The following SLC25A26 variants were observed in gnomAD, a reference collection of about 807,000 sequenced individuals.
SLC25A26 encodes the protein mitochondrial S-adenosylmethionine carrier protein.
In SLC25A26, 36 loss-of-function variants were observed where a neutral mutation model predicts 37.8. The observed-to-expected ratio is 0.95, with a 90% CI of 0.73 to 1.26. The LOEUF (loss-of-function observed/expected upper bound fraction) is 1.26, where lower values mean the gene tolerates loss of function less well. SLC25A26 is among the 50% of genes most tolerant of loss of function. SLC25A26 has a pLI of 0.00. For missense variants in SLC25A26, 390 were observed against 331.1 expected, an observed-to-expected ratio of 1.18 and a Z score of -1.38; for synonymous variants, 129 against 122.5, an observed-to-expected ratio of 1.05 and a Z score of -0.35.
intron 1 of SLC25A26, among the ~76,000 whole-genome samples, chr3:66,138,633 A>C (rs959115626): frequency 4.3e-5 from 5 of 116,922 alleles, no homozygotes; most frequent in African/African-American, 1.6e-4. Flanking sequence ...TGGTGGGAGG[A>C]TTGATGCAGG....
At chr3:66,313,674 A>C (rs2075447411) in intron 5 of SLC25A26, among the ~76,000 whole-genome samples, 1 of 152,088 alleles carries the variant, frequency 6.6e-6, no homozygotes, top group Non-Finnish European at 1.5e-5. Context: ...ATGGTAGTTT[A>C]ATGGAAATAG....
chr3:66,295,146 A>T (rs1466727246), intron 5 of SLC25A26, among the ~76,000 whole-genome samples: 1 of 152,182 alleles, frequency 6.6e-6, no homozygotes, highest in Non-Finnish European at 1.5e-5. Context: ...GGCATCACTC[A>T]TGTTTTGAGG....
chr3:66,192,317 C>A (rs1484924255), intron 1 of SLC25A26, among the ~76,000 whole-genome samples: 731 of 111,112 alleles, frequency 6.6e-3, no homozygotes, highest in South Asian at 7.8e-3. Flanking sequence ...CTCCATGTCA[C>A]AAAAAAAAAA....
intron 1 of SLC25A26, among the ~76,000 whole-genome samples, chr3:66,148,758 A>G (rs2070156369): frequency 6.6e-6 from 1 of 152,052 alleles, no homozygotes; most frequent in Non-Finnish European, 1.5e-5. Context: ...AAATGTAGAG[A>G]TGTTGCCCAG....
intron 5 of SLC25A26, among the ~76,000 whole-genome samples, chr3:66,325,812 A>G (rs926128828): frequency 2.0e-5 from 3 of 152,162 alleles, no homozygotes; most frequent in Non-Finnish European, 4.4e-5. Context: ...GCAACAGAAA[A>G]TCACTGAAGG....
chr3:66,364,240 TAC>T (rs2076776460), intron 7 of SLC25A26, among the ~76,000 whole-genome samples: 1 of 152,242 alleles, frequency 6.6e-6, no homozygotes, highest in African/African-American at 2.4e-5. Flanking sequence ...TTGCATTAAT[TAC>T]AGTTTCCTTT....
chr3:66,273,344 T>G (rs947667425), intron 5 of SLC25A26, among the ~76,000 whole-genome samples: 2 of 152,156 alleles, frequency 1.3e-5, no homozygotes, highest in South Asian at 2.1e-4. Context: ...TTCTATTGAT[T>G]GGAATAGTTT....
chr3:66,343,973 T>C (rs1481285370), intron 5 of SLC25A26, among the ~76,000 whole-genome samples: 1 of 152,168 alleles, frequency 6.6e-6, no homozygotes, highest in Non-Finnish European at 1.5e-5. Context: ...ACTTCGACAT[T>C]CGGGGGGGCT....
chr3:66,156,778 G>T (rs2070288644), intron 1 of SLC25A26, among the ~76,000 whole-genome samples: 1 of 152,094 alleles, frequency 6.6e-6, no homozygotes, highest in Non-Finnish European at 1.5e-5. Context: ...CTCTGATTGG[G>T]CTGGGGCCTG....
chr3:66,285,848 A>G (rs974132718), intron 5 of SLC25A26, among the ~76,000 whole-genome samples: 3 of 152,140 alleles, frequency 2.0e-5, no homozygotes, highest in African/African-American at 7.2e-5. Flanking sequence ...CTAACCACAG[A>G]AACAAGCACC....
intron 5 of SLC25A26, among the ~76,000 whole-genome samples, chr3:66,295,139 A>G (rs2074854053): frequency 6.6e-6 from 1 of 152,214 alleles, no homozygotes. Context: ...TTAAACAGGC[A>G]TCACTCATGT....
At chr3:66,273,535 G>C (rs977584155) in intron 5 of SLC25A26, among the ~76,000 whole-genome samples, 4 of 152,114 alleles carry the variant, frequency 2.6e-5, no homozygotes, top group African/African-American at 9.7e-5. Context: ...TCCTTAAGCT[G>C]ATAAGCAACT....
chr3:66,359,624 T>G (rs1028087705), intron 6 of SLC25A26, among the ~76,000 whole-genome samples: 1 of 152,158 alleles, frequency 6.6e-6, no homozygotes, highest in Non-Finnish European at 1.5e-5. Context: ...ATGTTGGTGT[T>G]AAAACTGGCA....
Position 66,355,884 on chromosome 3 carries a change from G to T in SLC25A26, c.499-6976G>T. On this transcript the variant is annotated intron_variant, in intron 6 of 9. Coordinates refer to ENST00000354883, the MANE Select transcript of SLC25A26 (RefSeq NM_001379210.1). ...AGGATGATATCAAGAGCAAGCCTAG[G>T]TTTGAAAAAACTAAGCATTATCCTT... is the stretch of plus-strand genomic sequence containing the variant. 7.6e-6 allele frequency: 3 copies of T among 395,010 alleles called. No homozygotes were observed. In the Admixed American group the frequency reaches 8.6e-5, roughly 11 times the overall value. The allele number at this position is 395,010 out of a possible 1,614,324, so 24.5% of individuals were successfully genotyped here.
At chr3:66,249,896 C>A in intron 3 of SLC25A26, among the ~76,000 whole-genome samples, 1 of 152,190 alleles carries the variant, frequency 6.6e-6, no homozygotes, top group East Asian at 1.9e-4. Flanking sequence ...CTGTCAGATA[C>A]CTGAGTGCAC....
At chr3:66,306,076 C>A (rs371380678) in intron 5 of SLC25A26, among the ~76,000 whole-genome samples, 1 of 152,072 alleles carries the variant, frequency 6.6e-6, no homozygotes, top group South Asian at 2.1e-4. Flanking sequence ...CCTCTGCCTG[C>A]CAATTTCAAG....
At chr3:66,262,845 TACTG>T (rs1373399801) in intron 4 of SLC25A26, among the ~76,000 whole-genome samples, 11 of 152,352 alleles carry the variant, frequency 7.2e-5, no homozygotes, top group South Asian at 6.2e-4. Context: ...TGTCTGGAAA[TACTG>T]ACCACTAGTT....
At chr3:66,258,844 C>CT (rs3031757) in intron 3 of SLC25A26, among the ~76,000 whole-genome samples, 23,105 of 138,154 alleles carry the variant, frequency 0.17, 3,653 homozygotes, top group East Asian at 0.58. Context: ...CTTTCCTTTT[C>CT]TTTTTTTTTT....
chr3:66,207,813 A>G (rs2071200450), intron 1 of SLC25A26, among the ~76,000 whole-genome samples: 1 of 152,246 alleles, frequency 6.6e-6, no homozygotes, highest in Admixed American at 6.5e-5. Flanking sequence ...TTTCTTTTAC[A>G]GGAAATTGCA....
Sources: gnomAD v4.1 joint callset for allele counts (sites outside exome capture counted in the v4.1 genomes callset) on GRCh38, gnomAD v4.1.1 for gene constraint, MANE v1.5 for transcripts, NCBI Gene and HGNC (gene_info 2026-07-23, HGNC 2026-07-21) for gene names.